Variants in NBDY observed in about 807,000 individuals in gnomAD.
NBDY encodes the protein negative regulator of P-body association.
rs890138296 is a variant in NBDY at position 56,736,893 on chromosome X, G to C, written c.*166+4694G>C. On this transcript the variant is annotated intron_variant, in intron 2 of 2. Transcript: ENST00000374922. Reference sequence around the variant, plus strand: ...TGTTTTTCAATCCTGGCAAACTAGGGGGTGCATACCCCCTTTTTTATTTAG... The same window carrying C: ...TGTTTTTCAATCCTGGCAAACTAGGCGGTGCATACCCCCTTTTTTATTTAG... Among the ~76,000 whole-genome samples the C allele has an allele frequency of 2.7e-5, 3 of 111,428 alleles. No homozygotes were observed. In the Admixed American group the frequency reaches 2.8e-4, roughly 11 times the overall value.
chrX:56,792,926 AG>A (rs1345919817), intron 2 of NBDY, among the ~76,000 whole-genome samples: 2 of 111,859 alleles, frequency 1.8e-5, no homozygotes, highest in Non-Finnish European at 3.8e-5. Context: ...CAACCAGGGT[AG>A]GGGCAGAGAA....
In NBDY at chrX:56,789,423, G is replaced by A. The variant is rs904356701; in HGVS notation, c.*167-27897G>A. On this transcript the variant is annotated intron_variant, in intron 2 of 2. Transcript: ENST00000374922. Reference sequence around the variant, plus strand: ...GTGTGAGTGTGTGGGCCTGCATGCAGGCCACTGCAGATTCCTCTAGGAATT... The same window carrying A: ...GTGTGAGTGTGTGGGCCTGCATGCAAGCCACTGCAGATTCCTCTAGGAATT... Among the ~76,000 whole-genome samples, 7 of 112,159 alleles carry A rather than the reference G, an allele frequency of 6.2e-5. No homozygotes were observed. The Admixed American group carries it at 6.5e-4, about 10-fold the overall frequency.
rs528882338 is a variant in NBDY, at chrX:56,730,888, A to T, written c.*30-1175A>T. Among the ~76,000 whole-genome samples the T allele has an allele frequency of 2.7e-5, 3 of 111,818 alleles. No individual in the cohort carries two copies. The South Asian group carries it at 1.1e-3, about 42-fold the overall frequency. The stretch of plus-strand genomic sequence containing the variant: ...ACTGAATCTGACCCAAGTTTTATAG[A>T]TCCTTTTAATTCAAAGGAGAGAAGC... On this transcript the variant is annotated intron_variant, in intron 1 of 2. Coordinates refer to ENST00000374922, the MANE Select transcript of NBDY (RefSeq NM_001348129.2).
At chrX:56,802,004 AC>A (rs2069825349) in intron 2 of NBDY, among the ~76,000 whole-genome samples, 2 of 109,900 alleles carry the variant, frequency 1.8e-5, no homozygotes, top group African/African-American at 6.6e-5. Context: ...ACACACACAC[AC>A]ACACACACAC....
rs184791046 is a variant in NBDY, at chrX:56,785,017, G to A, written c.*167-32303G>A. ...TTCCTGGATGTGTAGGCCGCACTGG[G>A]AATGAGCAGAGTTTCATAGGACAGA... On this transcript the variant is annotated intron_variant, in intron 2 of 2. Coordinates refer to ENST00000374922, the MANE Select transcript of NBDY (RefSeq NM_001348129.2). Among the ~76,000 whole-genome samples, 74 of 111,574 alleles carry A rather than the reference G, an allele frequency of 6.6e-4. 1 individual carries two copies. The highest frequency in any genetic ancestry group is 2.2e-3 in the African/African-American group (67 of 30,583).
chrX:56,762,737 G>C (rs781692243), intron 2 of NBDY, among the ~76,000 whole-genome samples: 5 of 111,117 alleles, frequency 4.5e-5, no homozygotes, highest in Non-Finnish European at 9.4e-5. Context: ...AGTGTATACA[G>C]GCAGGCTGTC....
At chrX:56,732,647 A>G (rs1421515526) in intron 2 of NBDY, among the ~76,000 whole-genome samples, 1 of 111,844 alleles carries the variant, frequency 8.9e-6, no homozygotes, top group African/African-American at 3.2e-5. Context: ...GATCTTCAGT[A>G]CAAAGAGGAA....
At chrX:56,730,513 CAAAAAAAAAAAAAAAAAAAA>C (rs1157131797) in intron 1 of NBDY, among the ~76,000 whole-genome samples, 1 of 11,207 alleles carries the variant, frequency 8.9e-5, no homozygotes, top group African/African-American at 2.3e-4. Flanking sequence ...AACTACGTCT[CAAAAAAAAAAAAAAAAAAAA>C]AAAAAAAAAA....
chrX:56,815,384 A>G (rs1445654921), intron 2 of NBDY, among the ~76,000 whole-genome samples: 1 of 111,841 alleles, frequency 8.9e-6, no homozygotes, highest in Non-Finnish European at 1.9e-5. Context: ...TTCTTAAAAA[A>G]TTGTCCACTT....
intron 2 of NBDY, among the ~76,000 whole-genome samples, chrX:56,755,359 C>T (rs2069604586): frequency 8.9e-6 from 1 of 112,056 alleles, no homozygotes; most frequent in Non-Finnish European, 1.9e-5. Flanking sequence ...AGGCAACCTA[C>T]AAAATGGGAG....
intron 2 of NBDY, among the ~76,000 whole-genome samples, chrX:56,751,664 T>C (rs1463671833): frequency 8.9e-6 from 1 of 112,369 alleles, no homozygotes; most frequent in African/African-American, 3.2e-5. Context: ...TTTGTGTCCT[T>C]TTCAAGTTAA....
intron 2 of NBDY, among the ~76,000 whole-genome samples, chrX:56,765,202 G>A (rs1297431064): frequency 1.8e-5 from 2 of 112,158 alleles, no homozygotes; most frequent in African/African-American, 6.5e-5. Flanking sequence ...GCTGACCCCT[G>A]CGAGGAGAAA....
intron 2 of NBDY, among the ~76,000 whole-genome samples, chrX:56,766,121 T>C (rs2069664232): frequency 8.9e-6 from 1 of 112,633 alleles, no homozygotes; most frequent in African/African-American, 3.2e-5. Flanking sequence ...CTCATTGTTA[T>C]TTCCCATTCT....
At chrX:56,783,926 G>A (rs764080415) in intron 2 of NBDY, among the ~76,000 whole-genome samples, 45 of 110,727 alleles carry the variant, frequency 4.1e-4, no homozygotes, top group African/African-American at 1.5e-3. Flanking sequence ...TCACTTTGGG[G>A]GAAGGTGCAA....
intron 2 of NBDY, among the ~76,000 whole-genome samples, chrX:56,748,700 A>C (rs2069567981): frequency 2.8e-5 from 3 of 106,679 alleles, no homozygotes; most frequent in Admixed American, 1.0e-4. Context: ...TATACATTAG[A>C]GGGTTCAGTA....
chrX:56,757,975 G>A (rs1271757878), intron 2 of NBDY, among the ~76,000 whole-genome samples: 1 of 111,222 alleles, frequency 9.0e-6, no homozygotes, highest in African/African-American at 3.3e-5. Context: ...ACTTGCTTGT[G>A]TGCACCACAC....
chrX:56,747,313 A>G (rs1035015763), intron 2 of NBDY, among the ~76,000 whole-genome samples: 1 of 112,074 alleles, frequency 8.9e-6, no homozygotes, highest in Non-Finnish European at 1.9e-5. Context: ...AGAGAATACA[A>G]GAAGGCACAT....
Position 56,795,803 on chromosome X carries a change from C to T in NBDY, c.*167-21517C>T, listed in dbSNP as rs545077524. Among the ~76,000 whole-genome samples, 13 of 112,643 alleles carry T rather than the reference C, an allele frequency of 1.2e-4. No individual in the cohort carries two copies. In the South Asian group the frequency reaches 4.4e-3, roughly 38 times the overall value. Reference sequence around the variant, plus strand: ...TAGGTAGCATCCACCACGGGCGCACCTCTGGCCCTGCCTAGGGAAAACGCG... The same window carrying T: ...TAGGTAGCATCCACCACGGGCGCACTTCTGGCCCTGCCTAGGGAAAACGCG... On this transcript the variant is annotated intron_variant, in intron 2 of 2. Coordinates refer to ENST00000374922, the MANE Select transcript of NBDY (RefSeq NM_001348129.2).
chrX:56,744,979 C>T (rs2069549699), intron 2 of NBDY, among the ~76,000 whole-genome samples: 1 of 111,410 alleles, frequency 9.0e-6, no homozygotes, highest in Admixed American at 9.6e-5. Context: ...TGAAAACTTC[C>T]TCCTTTTCAC....
Sources: gnomAD v4.1 joint callset for allele counts (sites outside exome capture counted in the v4.1 genomes callset) on GRCh38, gnomAD v4.1.1 for gene constraint, MANE v1.5 for transcripts, NCBI Gene and HGNC (gene_info 2026-07-23, HGNC 2026-07-21) for gene names.